RABGGTB: variants seen among roughly 807,000 people sequenced by gnomAD.
RABGGTB encodes the protein Rab geranylgeranyltransferase subunit beta, also known as geranylgeranyl transferase type-2 subunit beta.
Under a neutral mutation model 44.5 loss-of-function variants are expected in RABGGTB, and 20 were observed. The observed-to-expected ratio is 0.45, with a 90% CI of 0.32 to 0.65. The LOEUF is 0.65. Among genes scored for constraint, RABGGTB ranks in the 30% least tolerant of loss-of-function variants. The probability of loss-of-function intolerance (pLI) is 0.05; values close to 1 mark genes in which losing one functional copy is unlikely to be tolerated. For synonymous variants in RABGGTB, 128 were observed against 136.7 expected, an observed-to-expected ratio of 0.94 and a Z score of 0.44; for missense variants, 302 against 398.7, an observed-to-expected ratio of 0.76 and a Z score of 2.06.
intron 4 of RABGGTB, chr1:75,790,291 T>C (rs2100486845): frequency 1.6e-6 from 2 of 1,231,992 alleles, no homozygotes; most frequent in Non-Finnish European, 2.0e-6. Context: ...GGAATTTTTT[T>C]CCCCAATATT....
intron 2 of RABGGTB, 175 bp from the exon 3 acceptor site, chr1:75,788,984 G>A: frequency 3.3e-6 from 2 of 597,070 alleles, no homozygotes; most frequent in Non-Finnish European, 5.9e-6. Context: ...AGTTGTGTCT[G>A]AAGATGGCTT....
Position 75,789,340 on chromosome 1 carries a change from C to T in RABGGTB, c.293C>T (p.Thr98Ile), listed in dbSNP as rs200509955. The change falls in exon 3 of 9, where the codon ACT becomes ATT. Residue 98 changes from threonine to isoleucine, a missense_variant. By Grantham distance (89) the Thr-to-Ile change is moderately conservative. Transcript: ENST00000319942. ...SIGHDPHLLY[T>I]LSAVQILTLY... is the part of the protein sequence containing the mutation. ...GGACATGATCCTCATCTTTTATACACTCTTAGTGCTGTCCAGGTAAATACT... is the reference window on the plus strand; with the variant it reads ...GGACATGATCCTCATCTTTTATACATTCTTAGTGCTGTCCAGGTAAATACT... 6.2e-7 allele frequency: 1 copy of T among 1,613,756 alleles called. No individual in the cohort carries two copies. Among genetic ancestry groups the T allele is most frequent in the Admixed American group, 1.7e-5 (1 of 60,022 alleles).
At chr1:75,788,335 A>G (rs1649551565) in intron 2 of RABGGTB, 1 of 164,346 alleles carries the variant, frequency 6.1e-6, no homozygotes, top group African/African-American at 2.4e-5. Context: ...CTATAACCTC[A>G]CTTTGTTGCC....
chr1:75,786,220 G>C, upstream of RABGGTB: 3 of 1,612,898 alleles, frequency 1.9e-6, no homozygotes, highest in Non-Finnish European at 1.7e-6. Context: ...CAGGCGCCCG[G>C]CTCCTAAGTC....
At chr1:75,787,629 A>G (rs531992019) in intron 2 of RABGGTB, 25 bp downstream of exon 2, 2 of 1,559,966 alleles carry the variant, frequency 1.3e-6, no homozygotes, top group South Asian at 2.2e-5. Context: ...TTTATGTTGG[A>G]AAGTTTATTT....
intron 4 of RABGGTB, 101 bp downstream of exon 4, chr1:75,790,158 C>G: frequency 6.5e-7 from 1 of 1,545,114 alleles, no homozygotes; most frequent in Non-Finnish European, 8.7e-7. Context: ...TCAGGTCCCA[C>G]TAAGCAGCTG....
chr1:75,786,362 G>C, intron 1 of RABGGTB, 88 bp downstream of exon 1: 1 of 1,545,034 alleles, frequency 6.5e-7, no homozygotes, highest in Non-Finnish European at 9.0e-7. Flanking sequence ...CTTAGGATTG[G>C]TTTCCTGGTG....
intron 1 of RABGGTB, chr1:75,786,561 C>CT (rs539360865): frequency 0.01 from 3,643 of 361,710 alleles, 1 homozygote; most frequent in South Asian, 0.019. Flanking sequence ...TGATTGGTGG[C>CT]TTTTTTTTTT....
intron 1 of RABGGTB, chr1:75,787,283 A>C (rs1377265454): frequency 1.6e-6 from 1 of 624,120 alleles, no homozygotes; most frequent in South Asian, 1.8e-5. Flanking sequence ...GATGGAGTGC[A>C]GTGACACAAC....
At chr1:75,792,034 A>C in intron 6 of RABGGTB, 147 bp from the exon 7 acceptor site, 1 of 642,184 alleles carries the variant, frequency 1.6e-6, no homozygotes, top group Non-Finnish European at 2.6e-6. Context: ...TTTTTCAGAT[A>C]TGTGGTATTA....
intron 2 of RABGGTB, chr1:75,788,087 C>A (rs1247463186): frequency 8.5e-6 from 3 of 353,852 alleles, no homozygotes; most frequent in Middle Eastern, 9.6e-4. Flanking sequence ...TATCCAAACT[C>A]AGTTGTCTTA....
intron 2 of RABGGTB, 92 bp from the exon 3 acceptor site, chr1:75,789,064 TAGC>T (rs1463058132): frequency 6.3e-5 from 72 of 1,148,420 alleles, no homozygotes; most frequent in Non-Finnish European, 8.2e-5. Flanking sequence ...GAGGTAAAAA[TAGC>T]AGCATGGCTA....
rs762647449 is a variant in RABGGTB, at chr1:75,791,436, C to A, written c.469-25C>A. ...ATCTGCTGAATACTCTGGAATTTAA[C>A]AGGCATCTTTTTTTTTGTTTGTAGG... On this transcript the variant is annotated intron_variant, in intron 5 of 8. Coordinates refer to ENST00000319942, the MANE Select transcript of RABGGTB (RefSeq NM_004582.4). 3 of 1,574,278 alleles carry A rather than the reference C, an allele frequency of 1.9e-6. No individual in the cohort carries two copies. The South Asian group carries it at 3.4e-5, about 18-fold the overall frequency.
At chr1:75,790,108 C>G (rs1649609996) in intron 4 of RABGGTB, 51 bp downstream of exon 4, 5 of 1,601,534 alleles carry the variant, frequency 3.1e-6, no homozygotes, top group Non-Finnish European at 4.2e-6. Flanking sequence ...TTAAAATGTA[C>G]TGGTTTTGCT....
chr1:75,790,891 C>T (rs979478111), intron 4 of RABGGTB, among the ~76,000 whole-genome samples: 1 of 152,150 alleles, frequency 6.6e-6, no homozygotes, highest in African/African-American at 2.4e-5. Flanking sequence ...GATCCTCCTG[C>T]CTCGGCCACC....
At chr1:75,788,023 T>C (rs1041971348) in intron 2 of RABGGTB, 1 of 461,626 alleles carries the variant, frequency 2.2e-6, no homozygotes, top group Admixed American at 2.5e-5. Flanking sequence ...TCTGGGACAA[T>C]CTTAGCAAAA....
chr1:75,790,465 CAG>C, intron 4 of RABGGTB: 4 of 1,053,150 alleles, frequency 3.8e-6, no homozygotes, highest in Non-Finnish European at 4.6e-6. Flanking sequence ...CAGTGCAGGC[CAG>C]AGAGACCAGC....
intron 2 of RABGGTB, chr1:75,788,944 C>T (rs1289022760): frequency 1.8e-6 from 1 of 563,820 alleles, no homozygotes; most frequent in East Asian, 2.9e-5. Flanking sequence ...TAATCCTGTG[C>T]TTCTCAGATA....
intron 8 of RABGGTB, 48 bp downstream of exon 8, chr1:75,794,281 A>G: frequency 1.3e-6 from 2 of 1,555,618 alleles, no homozygotes; most frequent in Non-Finnish European, 8.7e-7. Flanking sequence ...CAGCGTTTGC[A>G]TTACTTCATG....
Sources: allele counts gnomAD v4.1 joint callset (sites outside exome capture counted in the v4.1 genomes callset), GRCh38; gene constraint gnomAD v4.1.1; transcripts MANE v1.5; gene names NCBI Gene and HGNC (gene_info 2026-07-23, HGNC 2026-07-21).